INPP5B: variants seen among roughly 807,000 people sequenced by gnomAD.
INPP5B encodes inositol polyphosphate-5-phosphatase B.
In INPP5B, 90 loss-of-function variants were observed where a neutral mutation model predicts 118.5. The ratio of observed to expected loss-of-function variants is 0.76; its 90% confidence interval spans 0.64 to 0.90. INPP5B has a LOEUF of 0.90. Ranked by LOEUF, INPP5B falls within the 40% of genes least tolerant of loss-of-function variation. The pLI, the probability that INPP5B is intolerant of heterozygous loss-of-function variation, is 0.00. For missense variants in INPP5B, 984 were observed against 1,125.6 expected, an observed-to-expected ratio of 0.87 and a Z score of 1.80; for synonymous variants, 385 against 418.9, an observed-to-expected ratio of 0.92 and a Z score of 0.99.
chr1:37,935,789 G>A (rs1247778766), intron 6 of INPP5B, among the ~76,000 whole-genome samples: 1 of 152,034 alleles, frequency 6.6e-6, no homozygotes. Context: ...AATGGCGGCC[G>A]GGCGCGGTGG....
At chr1:37,940,570 G>T in intron 6 of INPP5B, 118 bp downstream of exon 6, 1 of 637,246 alleles carries the variant, frequency 1.6e-6, no homozygotes, top group Non-Finnish European at 2.8e-6. Flanking sequence ...TACACCAGCA[G>T]CTTCGAAAGG....
chr1:37,896,742 G>A (rs369381340), intron 7 of INPP5B, among the ~76,000 whole-genome samples: 28,032 of 94,988 alleles, frequency 0.3, 5,397 homozygotes, highest in Admixed American at 0.45. Context: ...TCAGCCCCCC[G>A]CCCGGCCAGC....
rs758198924 is a variant in INPP5B, at chr1:37,890,129, C to T, written c.630-405G>A. On this transcript the variant is annotated intron_variant, in intron 8 of 23. Coordinates refer to ENST00000373024, the MANE Select transcript of INPP5B (RefSeq NM_005540.3). The stretch of plus-strand genomic sequence containing the variant: ...GTGACTCATGCCTGTAATCCCAGCA[C>T]TTTGGAAGGCCAAGGGAGGCAACTC... 2.6e-5 allele frequency among the ~76,000 whole-genome samples: 4 copies of T among 152,300 alleles called. No homozygotes were observed. The South Asian group carries it at 6.2e-4, about 24-fold the overall frequency.
At chr1:37,863,099 G>A (rs1264059279) in intron 23 of INPP5B, among the ~76,000 whole-genome samples, 2 of 152,154 alleles carry the variant, frequency 1.3e-5, no homozygotes, top group African/African-American at 4.8e-5. Flanking sequence ...GGCGTTGGAG[G>A]GTGTGGCCCG....
rs80349899 is a variant in INPP5B, at chr1:37,934,846, C to T, written c.392-2793G>A. On this transcript the variant is annotated intron_variant, in intron 6 of 23. Coordinates refer to ENST00000373024, the MANE Select transcript of INPP5B (RefSeq NM_005540.3). ...TCATAGCTACCAACCTCTGCTCCTG[C>T]AGTCAACAAATATTTATTAAGTGCC... Among the ~76,000 whole-genome samples the T allele has an allele frequency of 8.7e-3, 1,323 of 152,058 alleles. 20 individuals are homozygous for T. Among genetic ancestry groups the T allele is most frequent in the African/African-American group, 0.03 (1,256 of 41,508 alleles).
intron 7 of INPP5B, 119 bp from the exon 8 acceptor site, chr1:37,891,573 G>C (rs1643847636): frequency 1.6e-6 from 1 of 638,066 alleles, no homozygotes; most frequent in Non-Finnish European, 2.8e-6. Flanking sequence ...TCGGGAGTTC[G>C]AGACCAGCCT....
chr1:37,886,473 A>G (rs1643542791), intron 12 of INPP5B, among the ~76,000 whole-genome samples: 1 of 152,208 alleles, frequency 6.6e-6, no homozygotes, highest in Non-Finnish European at 1.5e-5. Flanking sequence ...TCACAGGCAA[A>G]CCATAGGTAC....
At chr1:37,896,198 G>A (rs1437748517) in intron 7 of INPP5B, among the ~76,000 whole-genome samples, 5 of 145,044 alleles carry the variant, frequency 3.4e-5, no homozygotes, top group South Asian at 2.3e-4. Flanking sequence ...GTCTCTGCCC[G>A]GCCGCCCCGT....
intron 8 of INPP5B, among the ~76,000 whole-genome samples, chr1:37,890,349 A>C (rs1222369105): frequency 6.6e-6 from 1 of 151,818 alleles, no homozygotes; most frequent in Non-Finnish European, 1.5e-5. Flanking sequence ...CTCTGTCTCA[A>C]AAGAAAAAAA....
At chr1:37,902,062 C>T (rs1275832700) in intron 7 of INPP5B, among the ~76,000 whole-genome samples, 3 of 151,828 alleles carry the variant, frequency 2.0e-5, no homozygotes, top group South Asian at 4.1e-4. Flanking sequence ...TCTCAGCTCA[C>T]GGCTCCTCTG....
At chr1:37,931,855 G>T (rs1645485789) in intron 7 of INPP5B, 58 bp downstream of exon 7, 1 of 1,611,874 alleles carries the variant, frequency 6.2e-7, no homozygotes, top group Non-Finnish European at 8.5e-7. Context: ...AACGGAGCCC[G>T]CCCCCTGTGG....
chr1:37,894,486 G>A (rs1005162876), intron 7 of INPP5B, among the ~76,000 whole-genome samples: 1 of 152,044 alleles, frequency 6.6e-6, no homozygotes, highest in Admixed American at 6.6e-5. Flanking sequence ...GCACATTATA[G>A]GCAGTACAGT....
At chr1:37,890,480 T>G (rs1643780595) in intron 8 of INPP5B, among the ~76,000 whole-genome samples, 1 of 152,226 alleles carries the variant, frequency 6.6e-6, no homozygotes, top group Non-Finnish European at 1.5e-5. Flanking sequence ...TTTATTATTA[T>G]TTGCATTGTA....
At chr1:37,927,222 G>C (rs1645262828) in intron 7 of INPP5B, among the ~76,000 whole-genome samples, 1 of 152,092 alleles carries the variant, frequency 6.6e-6, no homozygotes, top group Non-Finnish European at 1.5e-5. Flanking sequence ...TTGAACCCGG[G>C]AGGTGGAAGT....
chr1:37,911,667 T>G (rs1046958556), intron 7 of INPP5B, among the ~76,000 whole-genome samples: 4 of 152,216 alleles, frequency 2.6e-5, no homozygotes, highest in Non-Finnish European at 2.9e-5. Context: ...ATACTGACTC[T>G]AAATATGCCT....
chr1:37,876,710 A>AT (rs1642843650), intron 16 of INPP5B, among the ~76,000 whole-genome samples: 1 of 147,872 alleles, frequency 6.8e-6, no homozygotes. Flanking sequence ...ATACAAAAAA[A>AT]AAAAAAAAAA....
At chr1:37,893,059 G>C (rs886313537) in intron 7 of INPP5B, among the ~76,000 whole-genome samples, 13 of 127,906 alleles carry the variant, frequency 1.0e-4, no homozygotes, top group African/African-American at 3.6e-4. Context: ...TGTTTTTCCT[G>C]TATGTTTTTT....
At chr1:37,915,783 CAT>C (rs1368357200) in intron 7 of INPP5B, among the ~76,000 whole-genome samples, 1 of 152,148 alleles carries the variant, frequency 6.6e-6, no homozygotes, top group Non-Finnish European at 1.5e-5. Context: ...GCTATAATAA[CAT>C]GTTTTTTGTG....
At chr1:37,866,402 T>TCACACA (rs770631435) in intron 21 of INPP5B, 57 bp downstream of exon 21, 37 of 681,444 alleles carry the variant, frequency 5.4e-5, no homozygotes, top group Admixed American at 9.9e-5. Flanking sequence ...TCTCTCTCTC[T>TCACACA]CTCTCACACA....
Sources: gnomAD v4.1 joint callset for allele counts (sites outside exome capture counted in the v4.1 genomes callset) on GRCh38, gnomAD v4.1.1 for gene constraint, MANE v1.5 for transcripts, NCBI Gene and HGNC (gene_info 2026-07-23, HGNC 2026-07-21) for gene names.